The following PTPN4 variants were observed in gnomAD, a reference collection of about 807,000 sequenced individuals.
PTPN4 encodes tyrosine-protein phosphatase non-receptor type 4.
In PTPN4, 49 loss-of-function variants were observed where a neutral mutation model predicts 135.5. The observed-to-expected ratio is 0.36, with a 90% CI of 0.29 to 0.46. The LOEUF is 0.46. Among genes scored for constraint, PTPN4 ranks in the 20% least tolerant of loss-of-function variants. The pLI is 1.00. For missense variants in PTPN4, 860 were observed against 1,101.0 expected (o/e 0.78, Z 3.10); for synonymous variants, 333 against 369.9 (o/e 0.90, Z 1.14).
At chr2:119,896,837 G>C (rs1244592380) in intron 9 of PTPN4, among the ~76,000 whole-genome samples, 1 of 152,094 alleles carries the variant, frequency 6.6e-6, no homozygotes, top group Non-Finnish European at 1.5e-5. Context: ...TTACTGATAA[G>C]ATTTAATACA....
At chr2:119,952,281 A>G (rs993741089) in intron 19 of PTPN4, 152 bp downstream of exon 19, 3 of 661,298 alleles carry the variant, frequency 4.5e-6, no homozygotes, top group Admixed American at 6.4e-5. Context: ...GCAGAATTCA[A>G]GTTCTTTGCC....
chr2:119,781,918 C>T (rs1690947049), intron 1 of PTPN4, among the ~76,000 whole-genome samples: 1 of 152,034 alleles, frequency 6.6e-6, no homozygotes, highest in African/African-American at 2.4e-5. Flanking sequence ...TTAACAATTA[C>T]TGGAATGCTT....
intron 1 of PTPN4, among the ~76,000 whole-genome samples, chr2:119,773,351 A>C (rs1379999623): frequency 2.6e-5 from 4 of 152,126 alleles, no homozygotes; most frequent in Admixed American, 2.6e-4. Context: ...TTTTTCAATA[A>C]ATATATCGGA....
intron 2 of PTPN4, among the ~76,000 whole-genome samples, chr2:119,822,364 C>CCTTT: frequency 8.5e-6 from 1 of 117,804 alleles, no homozygotes; most frequent in Non-Finnish European, 1.8e-5. Context: ...CTCCCCCCCC[C>CCTTT]TTTTTTTTTT....
chr2:119,883,195 A>G (rs985443145), intron 8 of PTPN4, among the ~76,000 whole-genome samples: 2 of 152,080 alleles, frequency 1.3e-5, no homozygotes, highest in Non-Finnish European at 2.9e-5. Flanking sequence ...ATTCGGTGAA[A>G]ACTTTGTTTC....
In PTPN4 at chr2:119,978,665, T is replaced by G. The variant is rs1384829738; in HGVS notation, c.*1595T>G. On this transcript the variant is annotated 3_prime_UTR_variant, in exon 27 of 27. Coordinates refer to ENST00000263708, the MANE Select transcript of PTPN4 (RefSeq NM_002830.4). ...AAAATTTGCTCACCTATACAAATGT[T>G]ATTTTACACAATTATTTTATGTGGA... 6.6e-6 allele frequency: 1 copy of G among 152,148 alleles called. No individual in the cohort carries two copies. Among genetic ancestry groups the G allele is most frequent in the Non-Finnish European group, 1.5e-5 (1 of 67,962 alleles). 9.4% of individuals were successfully genotyped at this position (152,148 alleles called of 1,614,324 possible).
intron 9 of PTPN4, among the ~76,000 whole-genome samples, chr2:119,886,388 A>G (rs550622416): frequency 6.4e-4 from 98 of 152,258 alleles, no homozygotes; most frequent in Middle Eastern, 3.4e-3. Flanking sequence ...GACTTTTTCT[A>G]TATTATACCG....
chr2:119,857,483 G>A (rs780700372), intron 2 of PTPN4, among the ~76,000 whole-genome samples: 4 of 147,174 alleles, frequency 2.7e-5, no homozygotes, highest in Non-Finnish European at 6.0e-5. Context: ...GCAGTGAGCC[G>A]AGATCACACC....
At chr2:119,851,371 A>G (rs946644563) in intron 2 of PTPN4, among the ~76,000 whole-genome samples, 6 of 152,222 alleles carry the variant, frequency 3.9e-5, no homozygotes, top group African/African-American at 1.2e-4. Flanking sequence ...AAAAAGCTTT[A>G]GAACAGGAAA....
chr2:119,932,487 A>G lies in PTPN4; in HGVS notation c.1134A>G (p.Ile378Met). The change falls in exon 14 of 27, where the codon ATA becomes ATG. Residue 378 changes from isoleucine (I) to methionine (M), a missense_variant. Physicochemically the swap from Ile to Met is conservative, Grantham distance 10. Around this residue, in one of 2 missense-constraint regions of PTPN4, gnomAD observed 684 missense variants for 807.0 expected, o/e 0.85. Coordinates refer to ENST00000263708, the MANE Select transcript of PTPN4 (RefSeq NM_002830.4). ...MDWEVVSRNS[I>M]SDDRLETQSL... is the part of the protein sequence containing the mutation. ...GGGAAGTAGTAAGCAGAAATTCAAT[A>G]TCTGATGACAGGTTAGAAACACAAA... 1 of 1,611,380 alleles carries G rather than the reference A, an allele frequency of 6.2e-7. No homozygotes were observed. The highest frequency in any genetic ancestry group is 8.5e-7 in the Non-Finnish European group (1 of 1,177,638).
At chr2:119,895,928 A>AT (rs1678317240) in intron 9 of PTPN4, among the ~76,000 whole-genome samples, 1 of 152,020 alleles carries the variant, frequency 6.6e-6, no homozygotes, top group South Asian at 2.1e-4. Context: ...AAAAAAAAAA[A>AT]AAAGAGGGGA....
intron 18 of PTPN4, among the ~76,000 whole-genome samples, chr2:119,948,857 C>T (rs990267954): frequency 1.3e-5 from 2 of 151,874 alleles, no homozygotes; most frequent in African/African-American, 2.4e-5. Context: ...ATTCTGGAAA[C>T]GTGCTAAAAA....
At chr2:119,833,800 C>A (rs1015256763) in intron 2 of PTPN4, among the ~76,000 whole-genome samples, 2 of 152,130 alleles carry the variant, frequency 1.3e-5, no homozygotes, top group Non-Finnish European at 2.9e-5. Context: ...CATTTGGAGG[C>A]AGAAAAACTT....
chr2:119,809,829 T>TA lies in PTPN4; in HGVS notation c.-17-6dup. ...TTTATTTAGTGAATTTTTTTTTTTT[T>TA]AACTTAGACTTTGTGTGGACAGTAA... On this transcript the variant is annotated splice_polypyrimidine_tract_variant and splice_region_variant and intron_variant, in intron 1 of 26. Transcript: ENST00000263708. 1 of 1,552,966 alleles carries TA rather than the reference T, an allele frequency of 6.4e-7. No homozygotes were observed. The highest frequency in any genetic ancestry group is 8.7e-7 in the Non-Finnish European group (1 of 1,154,800).
At chr2:119,868,263 TAGTAGTATATCCAGTGA>T (rs954868323) in intron 3 of PTPN4, among the ~76,000 whole-genome samples, 4 of 152,336 alleles carry the variant, frequency 2.6e-5, no homozygotes, top group Admixed American at 2.0e-4. Flanking sequence ...GTATACCCAC[TAGTAGTATATCCAGTGA>T]AGTAGTATAT....
intron 26 of PTPN4, among the ~76,000 whole-genome samples, chr2:119,972,183 A>AT (rs1447445919): frequency 2.6e-5 from 4 of 151,734 alleles, no homozygotes; most frequent in African/African-American, 9.7e-5. Context: ...AATAAAAAAA[A>AT]AACCAGCAAC....
intron 7 of PTPN4, 106 bp from the exon 8 acceptor site, chr2:119,882,397 C>A: frequency 8.5e-7 from 1 of 1,170,742 alleles, no homozygotes; most frequent in Non-Finnish European, 1.2e-6. Context: ...ATATTAGAAA[C>A]ATAAGTATTT....
In PTPN4 at chr2:119,982,430, A is replaced by G. The variant is rs1679709405; in HGVS notation, c.*5360A>G. On this transcript the variant is annotated 3_prime_UTR_variant, in exon 27 of 27. Transcript: ENST00000263708. ...CTACACGGGATTGAAAAGAAAGGGA[A>G]GAGTATTACACTTCATTGTACAAAA... 1 of 151,064 alleles carries G rather than the reference A, an allele frequency of 6.6e-6. No individual in the cohort carries two copies. Among genetic ancestry groups the G allele is most frequent in the Non-Finnish European group, 1.5e-5 (1 of 67,868 alleles). 9.4% of individuals were successfully genotyped at this position (151,064 alleles called of 1,614,324 possible).
chr2:119,799,915 A>C (rs1691331315), intron 1 of PTPN4, among the ~76,000 whole-genome samples: 1 of 152,226 alleles, frequency 6.6e-6, no homozygotes, highest in South Asian at 2.1e-4. Context: ...AGTTTGCAAA[A>C]TAAAAATGCG....
Sources: allele counts gnomAD v4.1 joint callset (sites outside exome capture counted in the v4.1 genomes callset), GRCh38; gene constraint gnomAD v4.1.1; regional missense constraint gnomAD v4.1.1; transcripts MANE v1.5; gene names NCBI Gene and HGNC (gene_info 2026-07-23, HGNC 2026-07-21).